Variants in USP47 observed in about 807,000 individuals in gnomAD.
The protein encoded by USP47 is ubiquitin specific peptidase 47, also known as ubiquitin carboxyl-terminal hydrolase 47.
A neutral mutation model predicts 165.1 loss-of-function variants in USP47; 35 were observed. That is an observed-to-expected ratio of 0.21 (90% CI 0.16 to 0.28). The LOEUF (loss-of-function observed/expected upper bound fraction) is 0.28. Ranked by LOEUF, USP47 falls within the 10% of genes least tolerant of loss-of-function variation. USP47 has a pLI of 1.00. For missense variants in USP47, 1,277 were observed against 1,607.4 expected (o/e 0.79, Z 3.52); for synonymous variants, 531 against 544.5 (o/e 0.98, Z 0.35).
At position 11,950,453 on chromosome 11, in the gene USP47, A is replaced by G. The variant is rs771417954; in HGVS notation, c.3554A>G (p.Asn1185Ser). ...IYEEDINISS[N>S]WEVFLEVLDG... ...GAAGAAGATATTAATATTTCCAGCA[A>G]CTGGGAGGTTTTCCTTGAAGTTCTT... The change falls in exon 24 of 28, where the codon AAC becomes AGC. Residue 1185 changes from asparagine (N) to serine (S), a missense_variant. Around this residue, in one of 4 missense-constraint regions of USP47, gnomAD observed 909 missense variants for 1,068.1 expected, o/e 0.85. Transcript: ENST00000527733. 7 of 1,606,296 alleles carry G rather than the reference A, an allele frequency of 4.4e-6. No homozygotes were observed. In the South Asian group the frequency reaches 7.9e-5, roughly 18 times the overall value.
chr11:11,897,710 A>C lies in USP47; in HGVS notation c.593+17A>C, dbSNP rs751465136. On this transcript the variant is annotated intron_variant, in intron 5 of 27. Transcript: ENST00000527733. ...ATTATATAAGTGAGTATTCAAAAAA[A>C]TTGTATACATAAAATTGATTTAAGA... The C allele has an allele frequency of 4.1e-6, 6 of 1,481,062 alleles. No homozygotes were observed. Among genetic ancestry groups the C allele is most frequent in the Non-Finnish European group, 5.6e-6 (6 of 1,079,278 alleles). The allele number at this position is 1,481,062 out of a possible 1,614,324, so 91.7% of individuals were successfully genotyped here.
At chr11:11,935,691 G>A (rs925501425) in intron 16 of USP47, among the ~76,000 whole-genome samples, 8 of 151,920 alleles carry the variant, frequency 5.3e-5, no homozygotes, top group African/African-American at 1.7e-4. Flanking sequence ...CCTATCAAGA[G>A]AGTTGTTGCA....
chr11:11,861,050 G>A (rs1374276528), intron 1 of USP47, among the ~76,000 whole-genome samples: 1 of 152,018 alleles, frequency 6.6e-6, no homozygotes, highest in African/African-American at 2.4e-5. Flanking sequence ...ATAAAATAAG[G>A]AGCCTCATCT....
At chr11:11,874,219 A>C (rs560378724) in intron 1 of USP47, among the ~76,000 whole-genome samples, 7 of 152,222 alleles carry the variant, frequency 4.6e-5, no homozygotes, top group Admixed American at 1.3e-4. Context: ...TCCTATTACT[A>C]TTGATTTCCT....
rs1851836946 is a variant in USP47, at chr11:11,896,232, C to T, written c.497-1365C>T. Among the ~76,000 whole-genome samples, 4 of 152,298 alleles carry T rather than the reference C, an allele frequency of 2.6e-5. No individual in the cohort carries two copies. In the South Asian group the frequency reaches 6.2e-4, roughly 24 times the overall value. On this transcript the variant is annotated intron_variant, in intron 4 of 27. Coordinates refer to ENST00000527733, the MANE Select transcript of USP47 (RefSeq NM_001282659.2). Reference sequence around the variant, plus strand: ...TGCCATTACTCTCTTCTTCTCTTCTCAAGCCTACCCCGAAAACATTTTTTT... The same window carrying T: ...TGCCATTACTCTCTTCTTCTCTTCTTAAGCCTACCCCGAAAACATTTTTTT...
chr11:11,928,771 C>A (rs1052991053), intron 11 of USP47, among the ~76,000 whole-genome samples: 1 of 151,870 alleles, frequency 6.6e-6, no homozygotes, highest in Admixed American at 6.6e-5. Context: ...TATAAATGAC[C>A]TCTTTTTTTT....
chr11:11,891,857 CCAGAGT>C (rs1851536180), intron 3 of USP47, 105 bp from the exon 4 acceptor site: 2 of 1,354,212 alleles, frequency 1.5e-6, no homozygotes, highest in Non-Finnish European at 2.0e-6. Context: ...GAGCACCTTT[CCAGAGT>C]GTTTTGTATC....
chr11:11,908,525 T>TA (rs1369113987), intron 8 of USP47, among the ~76,000 whole-genome samples: 5 of 152,038 alleles, frequency 3.3e-5, no homozygotes, highest in African/African-American at 1.2e-4. Context: ...AACTTGCAAA[T>TA]AATAGGTAGG....
At chr11:11,857,304 A>G (rs929202196) in intron 1 of USP47, among the ~76,000 whole-genome samples, 1 of 152,074 alleles carries the variant, frequency 6.6e-6, no homozygotes, top group African/African-American at 2.4e-5. Context: ...ACACCAGTTT[A>G]TATAATCTAT....
chr11:11,847,439 G>T (rs1848490671), intron 1 of USP47, among the ~76,000 whole-genome samples: 1 of 151,960 alleles, frequency 6.6e-6, no homozygotes, highest in South Asian at 2.1e-4. Flanking sequence ...GATTTCCACT[G>T]TTCTGGATAT....
At chr11:11,922,625 A>T in intron 10 of USP47, 99 bp from the exon 11 acceptor site, 1 of 889,478 alleles carries the variant, frequency 1.1e-6, no homozygotes, top group Non-Finnish European at 1.6e-6. Context: ...CTAATATGTT[A>T]AATTGTGTGA....
At chr11:11,850,432 G>A (rs1257704868) in intron 1 of USP47, among the ~76,000 whole-genome samples, 1 of 134,170 alleles carries the variant, frequency 7.5e-6, no homozygotes, top group Non-Finnish European at 1.6e-5. Context: ...TCCTATATTT[G>A]TTTTATGGAT....
In USP47 at chr11:11,942,386, T is replaced by A. The variant is rs200754879; in HGVS notation, c.2365T>A (p.Ser789Thr). 15 of 1,612,964 alleles carry A rather than the reference T, an allele frequency of 9.3e-6. No individual in the cohort carries two copies. In the East Asian group the frequency reaches 1.6e-4, roughly 17 times the overall value. Reference sequence around the variant, plus strand: ...GGATTACCAGATGGCCTTTGCAGACTCTCATTTATGGAAACTCCTGGATCG... The same window carrying A: ...GGATTACCAGATGGCCTTTGCAGACACTCATTTATGGAAACTCCTGGATCG... ...TLDYQMAFAD[S>T]HLWKLLDRHA... The change falls in exon 20 of 28, where the codon TCT (serine) becomes ACT (threonine). Residue 789 changes from serine to threonine, a missense_variant. Coordinates refer to ENST00000527733, the MANE Select transcript of USP47 (RefSeq NM_001282659.2).
chr11:11,910,536 C>G (rs1274003491), intron 8 of USP47, among the ~76,000 whole-genome samples: 1 of 152,004 alleles, frequency 6.6e-6, no homozygotes. Context: ...TCACCACCTC[C>G]CAGGGGTAAA....
chr11:11,858,659 G>C (rs1210806188), intron 1 of USP47, among the ~76,000 whole-genome samples: 1 of 152,154 alleles, frequency 6.6e-6, no homozygotes, highest in Middle Eastern at 3.2e-3. Context: ...TTTACATGGA[G>C]TCATATAGTA....
intron 1 of USP47, among the ~76,000 whole-genome samples, chr11:11,854,311 G>T (rs1050533319): frequency 1.4e-5 from 2 of 146,732 alleles, no homozygotes; most frequent in Admixed American, 1.4e-4. Flanking sequence ...CTATTAGATG[G>T]GAGGTTCCTC....
At chr11:11,955,814 A>G (rs1412630241) in intron 27 of USP47, among the ~76,000 whole-genome samples, 187 bp from the exon 28 acceptor site, 1 of 152,240 alleles carries the variant, frequency 6.6e-6, no homozygotes, top group Non-Finnish European at 1.5e-5. Context: ...CGCCACTTTT[A>G]GAAGTAAGCA....
At chr11:11,928,688 A>C (rs975965182) in intron 11 of USP47, among the ~76,000 whole-genome samples, 8 of 151,968 alleles carry the variant, frequency 5.3e-5, no homozygotes, top group African/African-American at 1.7e-4. Context: ...CTAGTATCTC[A>C]AACTGTCTTA....
intron 1 of USP47, among the ~76,000 whole-genome samples, chr11:11,872,031 G>GC (rs1850102411): frequency 6.6e-6 from 1 of 152,172 alleles, no homozygotes; most frequent in South Asian, 2.1e-4. Flanking sequence ...ATAACAATCT[G>GC]CCCCCAGATC....
Sources: allele counts gnomAD v4.1 joint callset (sites outside exome capture counted in the v4.1 genomes callset), GRCh38; gene constraint gnomAD v4.1.1; regional missense constraint gnomAD v4.1.1; transcripts MANE v1.5; gene names NCBI Gene and HGNC (gene_info 2026-07-23, HGNC 2026-07-21).